DLGAP2: variants seen among roughly 807,000 people sequenced by gnomAD.
DLGAP2 encodes DLG associated protein 2.
DLGAP2 carries 26 observed loss-of-function variants against 100.3 expected under a neutral mutation model. That is an observed-to-expected ratio of 0.26 (90% CI 0.19 to 0.36). The LOEUF (loss-of-function observed/expected upper bound fraction) is 0.36. Ranked by LOEUF, DLGAP2 falls within the 10% of genes least tolerant of loss-of-function variation. DLGAP2 has a pLI of 1.00. For synonymous variants in DLGAP2, 886 were observed against 630.1 expected (o/e 1.41, Z -6.08); for missense variants, 1,858 against 1,453.2 (o/e 1.28, Z -4.53).
intron 2 of DLGAP2, among the ~76,000 whole-genome samples, chr8:1,145,659 A>T (rs953985615): frequency 2.6e-5 from 4 of 151,752 alleles, no homozygotes; most frequent in East Asian, 3.9e-4. Context: ...CATGTGCACA[A>T]TGTGCAGGTT....
At chr8:999,638 C>G (rs1300402475) in intron 2 of DLGAP2, among the ~76,000 whole-genome samples, 4 of 151,996 alleles carry the variant, frequency 2.6e-5, no homozygotes, top group African/African-American at 4.8e-5. Context: ...GCCATCATGC[C>G]TGGCTCATTT....
At chr8:1,437,813 C>CA (rs59165125) in intron 3 of DLGAP2, among the ~76,000 whole-genome samples, 16,175 of 85,126 alleles carry the variant, frequency 0.19, 1,592 homozygotes, top group African/African-American at 0.29. Flanking sequence ...ACTAAAAATA[C>CA]AAAAAAAAAA....
chr8:1,066,016 G>A (rs1164469792), intron 2 of DLGAP2, among the ~76,000 whole-genome samples: 1 of 152,244 alleles, frequency 6.6e-6, no homozygotes, highest in Admixed American at 6.5e-5. Flanking sequence ...TGTCCAGGCT[G>A]TGCAGTTGCT....
chr8:1,685,199 C>CAAAG (rs1273726044), intron 12 of DLGAP2, among the ~76,000 whole-genome samples: 1 of 152,162 alleles, frequency 6.6e-6, no homozygotes, highest in African/African-American at 2.4e-5. Flanking sequence ...CAGCAGCTGA[C>CAAAG]AAAGAGCCCA....
intron 2 of DLGAP2, among the ~76,000 whole-genome samples, chr8:923,431 C>T (rs577699407): frequency 2.6e-5 from 4 of 152,302 alleles, no homozygotes; most frequent in East Asian, 1.9e-4. Context: ...GTGCTGATGC[C>T]GCTCTGACCC....
At chr8:785,259 T>C (rs1272512143) in intron 1 of DLGAP2, among the ~76,000 whole-genome samples, 1 of 126,976 alleles carries the variant, frequency 7.9e-6, no homozygotes, top group Non-Finnish European at 1.6e-5. Flanking sequence ...AAAAGGCACG[T>C]CCTGACACTT....
chr8:1,562,499 A>G (rs1258563140), intron 5 of DLGAP2, among the ~76,000 whole-genome samples: 85 of 24,192 alleles, frequency 3.5e-3, no homozygotes, highest in Admixed American at 4.5e-3. Flanking sequence ...TTACTGGGGG[A>G]CTGTGTGGTG....
At chr8:1,530,834 C>T (rs1800965667) in intron 4 of DLGAP2, among the ~76,000 whole-genome samples, 1 of 152,202 alleles carries the variant, frequency 6.6e-6, no homozygotes, top group Non-Finnish European at 1.5e-5. Flanking sequence ...TGCATACCTT[C>T]CCCACTTCCA....
At chr8:1,537,722 AAAGGATGGAAGGAAGGAAGG>A (rs1358557332) in intron 4 of DLGAP2, among the ~76,000 whole-genome samples, 14 of 121,440 alleles carry the variant, frequency 1.2e-4, no homozygotes, top group Admixed American at 3.5e-4. Context: ...TGGATGGATG[AAAGGATGGAAGGAAGGAAGG>A]AAGGAAGGAA....
rs1002793999 is a variant in DLGAP2, at chr8:1,423,274, C to G, written c.107-78092C>G. 5.3e-5 allele frequency among the ~76,000 whole-genome samples: 8 copies of G among 152,106 alleles called. No individual in the cohort carries two copies. In the East Asian group the frequency reaches 1.4e-3, roughly 26 times the overall value. Reference sequence around the variant, plus strand: ...CTACTTAGTCACAGCTCTTATCACTCCCTGACCCCAGGCCTGCTCAGTCCA... The same window carrying G: ...CTACTTAGTCACAGCTCTTATCACTGCCTGACCCCAGGCCTGCTCAGTCCA... On this transcript the variant is annotated intron_variant, in intron 3 of 14. Transcript: ENST00000637795.
At chr8:943,652 A>G (rs1376487389) in intron 2 of DLGAP2, among the ~76,000 whole-genome samples, 6 of 151,492 alleles carry the variant, frequency 4.0e-5, no homozygotes, top group Non-Finnish European at 8.8e-5. Flanking sequence ...CCATCCCGCC[A>G]CAAGCACGGC....
At chr8:995,399 T>C (rs1357017953) in intron 2 of DLGAP2, among the ~76,000 whole-genome samples, 1 of 152,234 alleles carries the variant, frequency 6.6e-6, no homozygotes, top group African/African-American at 2.4e-5. Flanking sequence ...ACATTTTATT[T>C]CTTGAAAGAT....
At chr8:1,088,564 G>T (rs1401462658) in intron 2 of DLGAP2, among the ~76,000 whole-genome samples, 3 of 152,164 alleles carry the variant, frequency 2.0e-5, no homozygotes, top group Admixed American at 1.3e-4. Context: ...ATCAGAGATT[G>T]TAGGAAATTT....
chr8:1,139,813 T>G (rs1229297634), intron 2 of DLGAP2, among the ~76,000 whole-genome samples: 1 of 151,924 alleles, frequency 6.6e-6, no homozygotes, highest in East Asian at 1.9e-4. Context: ...GCACCGTAAG[T>G]GTATTAACTT....
rs1436765135 is a variant in DLGAP2, at chr8:1,529,505, A to G, written c.173-19121A>G. Among the ~76,000 whole-genome samples, 6 of 152,338 alleles carry G rather than the reference A, an allele frequency of 3.9e-5. No homozygotes were observed. In the East Asian group the frequency reaches 9.6e-4, roughly 24 times the overall value. On this transcript the variant is annotated intron_variant, in intron 4 of 14. Coordinates refer to ENST00000637795, the MANE Select transcript of DLGAP2 (RefSeq NM_001346810.2). ...AGAGCTGAGGGTTGGAGTGTTCATC[A>G]TATGCTGAGAAAAATTCATGTTTAT...
chr8:1,198,730 G>T lies in DLGAP2; in HGVS notation c.74-60121G>T, dbSNP rs147625526. 5.3e-5 allele frequency among the ~76,000 whole-genome samples: 8 copies of T among 152,358 alleles called. 1 individual carries two copies. In the East Asian group the frequency reaches 1.5e-3, roughly 29 times the overall value. On this transcript the variant is annotated intron_variant, in intron 2 of 14. Transcript: ENST00000637795. ...CCTGAAGAGACACGTGTGCCTGGGT[G>T]TGCGGGAAGGTGTCCTTTGGCAAGA...
At chr8:1,323,193 C>A (rs912728621) in intron 3 of DLGAP2, among the ~76,000 whole-genome samples, 3 of 152,046 alleles carry the variant, frequency 2.0e-5, no homozygotes, top group Non-Finnish European at 4.4e-5. Flanking sequence ...CCACGCCCGG[C>A]TTACTTTTTG....
chr8:1,246,479 T>C (rs1204162334), intron 2 of DLGAP2, among the ~76,000 whole-genome samples: 1 of 152,190 alleles, frequency 6.6e-6, no homozygotes, highest in East Asian at 1.9e-4. Context: ...CTCCTCTCAC[T>C]GAGGGGAGCA....
At chr8:1,135,503 G>GTTT (rs3080806) in intron 2 of DLGAP2, among the ~76,000 whole-genome samples, 31,382 of 91,978 alleles carry the variant, frequency 0.34, 6,534 homozygotes, top group Middle Eastern at 0.39. Context: ...TTTTTTGTGG[G>GTTT]TTTTTTTTTT....
Sources: allele counts gnomAD v4.1 joint callset (sites outside exome capture counted in the v4.1 genomes callset), GRCh38; gene constraint gnomAD v4.1.1; transcripts MANE v1.5; gene names NCBI Gene and HGNC (gene_info 2026-07-23, HGNC 2026-07-21).